Variants in DLG2 observed in about 807,000 individuals in gnomAD.
The protein encoded by DLG2 is discs large MAGUK scaffold protein 2.
In DLG2, 45 loss-of-function variants were observed where a neutral mutation model predicts 132.5. The ratio of observed to expected loss-of-function variants is 0.34; its 90% CI spans 0.27 to 0.44. DLG2 has a LOEUF of 0.44. Ranked by LOEUF, DLG2 falls within the 20% of genes least tolerant of loss-of-function variation. The pLI, the probability that DLG2 is intolerant of heterozygous loss-of-function variation, is 1.00. For missense variants in DLG2, 1,045 were observed against 1,196.9 expected (o/e 0.87, Z 1.87); for synonymous variants, 424 against 419.6 (o/e 1.01, Z -0.13).
At chr11:85,597,633 T>C (rs193216231) in intron 3 of DLG2, among the ~76,000 whole-genome samples, 27 of 151,924 alleles carry the variant, frequency 1.8e-4, no homozygotes, top group African/African-American at 5.8e-4. Flanking sequence ...AATTGAATAA[T>C]TTTTAAAATT....
intron 6 of DLG2, among the ~76,000 whole-genome samples, chr11:84,882,611 G>C (rs17206780): frequency 0.033 from 4,980 of 152,148 alleles, 267 homozygotes; most frequent in East Asian, 0.27. Context: ...GTGATTGTGA[G>C]AGATTTGAGA....
At chr11:83,978,986 C>T (rs1203335310) in intron 12 of DLG2, among the ~76,000 whole-genome samples, 1 of 152,078 alleles carries the variant, frequency 6.6e-6, no homozygotes. Flanking sequence ...GAAAACCTGT[C>T]TACATCTCAA....
intron 7 of DLG2, among the ~76,000 whole-genome samples, chr11:84,290,427 T>C (rs949727935): frequency 1.3e-5 from 2 of 152,152 alleles, no homozygotes; most frequent in African/African-American, 4.8e-5. Flanking sequence ...TGAGCCTTTA[T>C]TTGCTCTAAT....
At position 84,621,113 on chromosome 11, in the gene DLG2, G is replaced by A. The variant is rs777906824; in HGVS notation, c.358-86382C>T. On this transcript the variant is annotated intron_variant, in intron 6 of 27. Transcript: ENST00000376104. ...AAGCACATAAATAGAATTAGGGAAT[G>A]GGAAAAGGTACCCTCAAAGGTAACA... is the stretch of plus-strand genomic sequence containing the variant. Among the ~76,000 whole-genome samples, 3 of 152,040 alleles carry A rather than the reference G, an allele frequency of 2.0e-5. 1 individual carries two copies. The highest frequency in any genetic ancestry group is 4.4e-5 in the Non-Finnish European group (3 of 67,986).
chr11:84,366,701 A>T (rs1434002081), intron 7 of DLG2, among the ~76,000 whole-genome samples: 2 of 152,168 alleles, frequency 1.3e-5, no homozygotes, highest in East Asian at 3.9e-4. Context: ...AACAAAGATC[A>T]AAAGAGATAA....
At chr11:85,266,710 T>G (rs2077235297) in intron 4 of DLG2, among the ~76,000 whole-genome samples, 1 of 152,222 alleles carries the variant, frequency 6.6e-6, no homozygotes, top group African/African-American at 2.4e-5. Context: ...TAAAGTAGGC[T>G]TCTGGGCAAT....
intron 8 of DLG2, among the ~76,000 whole-genome samples, chr11:84,228,167 C>A (rs751818811): frequency 2.6e-5 from 4 of 152,200 alleles, no homozygotes; most frequent in Non-Finnish European, 5.9e-5. Context: ...CTCTTCCGTA[C>A]TCTATCTCCA....
intron 7 of DLG2, among the ~76,000 whole-genome samples, chr11:84,290,551 A>T (rs1484711610): frequency 6.6e-6 from 1 of 152,148 alleles, no homozygotes; most frequent in East Asian, 1.9e-4. Context: ...AGGGAAAATG[A>T]TTTAACATTG....
At chr11:83,970,355 A>G (rs1448489171) in intron 12 of DLG2, among the ~76,000 whole-genome samples, 1 of 152,212 alleles carries the variant, frequency 6.6e-6, no homozygotes, top group Non-Finnish European at 1.5e-5. Context: ...TTTTTAGACC[A>G]TAAAGCAGAA....
At chr11:84,893,361 T>C (rs1314622898) in intron 6 of DLG2, among the ~76,000 whole-genome samples, 1 of 152,190 alleles carries the variant, frequency 6.6e-6, no homozygotes, top group East Asian at 1.9e-4. Context: ...TCTGCGGGTG[T>C]GTGTACTCCT....
At chr11:84,887,732 G>A (rs1378288684) in intron 6 of DLG2, among the ~76,000 whole-genome samples, 1 of 152,082 alleles carries the variant, frequency 6.6e-6, no homozygotes, top group African/African-American at 2.4e-5. Flanking sequence ...TAAATTACTT[G>A]CCCATAGTCA....
chr11:84,034,552 C>A (rs2095808173), intron 11 of DLG2, among the ~76,000 whole-genome samples: 1 of 152,112 alleles, frequency 6.6e-6, no homozygotes, highest in Admixed American at 6.6e-5. Flanking sequence ...TCAGTGAATC[C>A]TTTACAGCTT....
At chr11:83,641,931 TAGAAAA>T (rs1290251354) in intron 18 of DLG2, among the ~76,000 whole-genome samples, 1 of 149,788 alleles carries the variant, frequency 6.7e-6, no homozygotes, top group African/African-American at 2.5e-5. Flanking sequence ...GAGAGAGACA[TAGAAAA>T]AGAGAGAGAG....
At chr11:83,733,409 T>A (rs766359375) in intron 18 of DLG2, among the ~76,000 whole-genome samples, 1 of 152,148 alleles carries the variant, frequency 6.6e-6, no homozygotes, top group Non-Finnish European at 1.5e-5. Flanking sequence ...ACCTATCACA[T>A]CACTGAAAAA....
chr11:85,322,567 A>G (rs1596239982), intron 3 of DLG2, among the ~76,000 whole-genome samples: 1 of 152,166 alleles, frequency 6.6e-6, no homozygotes, highest in Non-Finnish European at 1.5e-5. Context: ...AAAATTTTCA[A>G]AAACACCTTA....
intron 4 of DLG2, among the ~76,000 whole-genome samples, chr11:85,183,609 C>G (rs989268888): frequency 1.3e-5 from 2 of 151,912 alleles, no homozygotes; most frequent in African/African-American, 4.8e-5. Flanking sequence ...AACATAAACA[C>G]TAACAGGAAT....
chr11:85,154,605 T>C lies in DLG2; in HGVS notation c.233A>G (p.Gln78Arg). 6.5e-7 allele frequency: 1 copy of C among 1,541,256 alleles called. No homozygotes were observed. The highest frequency in any genetic ancestry group is 1.2e-5 in the South Asian group (1 of 83,368). The stretch of plus-strand genomic sequence containing the variant: ...TTCAAAACTCTGATTTTCTTTATTT[T>C]GCTCAATACATGAAGCATTTTCCTT... ...GSKENASCIE[Q>R]NKENQSFENE... The change falls in exon 5 of 28, where the codon CAA becomes CGA. Residue 78 changes from glutamine to arginine, a missense_variant. By Grantham distance (43) the Gln-to-Arg change is conservative (BLOSUM62 1). Transcript: ENST00000376104.
intron 6 of DLG2, among the ~76,000 whole-genome samples, chr11:85,053,790 C>G (rs2063152772): frequency 8.9e-6 from 1 of 112,092 alleles, no homozygotes; most frequent in South Asian, 3.0e-4. Flanking sequence ...GAGCAAGACT[C>G]TGTCTCAAAA....
At position 83,797,183 on chromosome 11, in the gene DLG2, C is replaced by T. The variant is rs142368746; in HGVS notation, c.1723-10391G>A. ...AGCAGTTGTTACTGAAGGGTAGATA[C>T]GGGAGGAACAAATGTGAGAAAGAAG... On this transcript the variant is annotated intron_variant, in intron 17 of 27. Transcript: ENST00000376104. Among the ~76,000 whole-genome samples, 417 of 151,088 alleles carry T rather than the reference C, an allele frequency of 2.8e-3. 3 individuals are homozygous for T. Among genetic ancestry groups the T allele is most frequent in the Middle Eastern group, 0.01 (3 of 294 alleles).
Sources: allele counts gnomAD v4.1 joint callset (sites outside exome capture counted in the v4.1 genomes callset), GRCh38; gene constraint gnomAD v4.1.1; transcripts MANE v1.5; gene names NCBI Gene and HGNC (gene_info 2026-07-23, HGNC 2026-07-21).